LRRTM4: variants seen among roughly 807,000 people sequenced by gnomAD.
The protein encoded by LRRTM4 is leucine rich repeat transmembrane neuronal 4.
In LRRTM4, 25 loss-of-function variants were observed where a neutral mutation model predicts 47.6. The ratio of observed to expected loss-of-function variants is 0.53; its 90% CI spans 0.38 to 0.73. LRRTM4 has a LOEUF of 0.73. LRRTM4 is among the 30% of genes least tolerant of loss of function. The probability of loss-of-function intolerance (pLI) is 0.00; values close to 1 mark genes in which losing one functional copy is unlikely to be tolerated. For missense variants in LRRTM4, 638 were observed against 713.4 expected, an observed-to-expected ratio of 0.89 and a Z score of 1.20; for synonymous variants, 311 against 269.5, an observed-to-expected ratio of 1.15 and a Z score of -1.51.
At chr2:77,337,054 G>A (rs1671192994) in intron 3 of LRRTM4, among the ~76,000 whole-genome samples, 1 of 152,074 alleles carries the variant, frequency 6.6e-6, no homozygotes, top group South Asian at 2.1e-4. Flanking sequence ...ACAAAAATTA[G>A]TAGCATTTCC....
At chr2:77,475,971 T>A (rs1227979682) in intron 3 of LRRTM4, among the ~76,000 whole-genome samples, 2 of 152,044 alleles carry the variant, frequency 1.3e-5, no homozygotes, top group African/African-American at 2.4e-5. Context: ...AATAACTATA[T>A]TATTTCATTC....
chr2:77,087,977 C>A (rs1032292238), intron 3 of LRRTM4, among the ~76,000 whole-genome samples: 1 of 152,002 alleles, frequency 6.6e-6, no homozygotes, highest in Non-Finnish European at 1.5e-5. Context: ...TTGAGTGCAA[C>A]CCCAGAGATG....
At chr2:77,145,233 T>C (rs1479811230) in intron 3 of LRRTM4, among the ~76,000 whole-genome samples, 4 of 147,178 alleles carry the variant, frequency 2.7e-5, no homozygotes, top group Non-Finnish European at 6.0e-5. Flanking sequence ...GTATATCTCA[T>C]AGATATATAT....
intron 3 of LRRTM4, among the ~76,000 whole-genome samples, chr2:76,907,073 A>C (rs566956621): frequency 3.9e-5 from 6 of 152,104 alleles, no homozygotes; most frequent in East Asian, 2.0e-4. Context: ...CCTATTCCAA[A>C]ATTAACCACA....
At chr2:76,802,130 G>A (rs1675729214) in intron 3 of LRRTM4, among the ~76,000 whole-genome samples, 1 of 151,682 alleles carries the variant, frequency 6.6e-6, no homozygotes, top group Non-Finnish European at 1.5e-5. Context: ...CGAGCAATTA[G>A]GCAAGGGAAA....
At chr2:76,984,154 CAG>C (rs1483076623) in intron 3 of LRRTM4, among the ~76,000 whole-genome samples, 1 of 151,602 alleles carries the variant, frequency 6.6e-6, no homozygotes, top group Non-Finnish European at 1.5e-5. Context: ...ACACACAAAA[CAG>C]AAGAAAATCA....
chr2:77,025,324 T>G (rs1678417559), intron 3 of LRRTM4, among the ~76,000 whole-genome samples: 1 of 152,182 alleles, frequency 6.6e-6, no homozygotes, highest in Non-Finnish European at 1.5e-5. Flanking sequence ...TCACAATATC[T>G]GATCTTTCCT....
intron 3 of LRRTM4, among the ~76,000 whole-genome samples, chr2:77,172,853 C>G (rs1022402364): frequency 2.0e-5 from 3 of 152,134 alleles, no homozygotes; most frequent in African/African-American, 7.2e-5. Flanking sequence ...TAAAAACCCC[C>G]AAATATCCGT....
chr2:77,430,809 GGT>G (rs1675342634), intron 3 of LRRTM4, among the ~76,000 whole-genome samples: 1 of 148,456 alleles, frequency 6.7e-6, no homozygotes, highest in Non-Finnish European at 1.5e-5. Context: ...TATCTGTGAA[GGT>G]GTTTCCAGAA....
intron 3 of LRRTM4, among the ~76,000 whole-genome samples, chr2:77,426,805 GCA>G (rs72224838): frequency 0.31 from 45,842 of 147,106 alleles, 6,957 homozygotes; most frequent in Non-Finnish European, 0.33. Context: ...AGAGGTGTAT[GCA>G]CACACACACA....
chr2:77,488,654 C>A (rs1678019680), intron 3 of LRRTM4, among the ~76,000 whole-genome samples: 1 of 152,182 alleles, frequency 6.6e-6, no homozygotes, highest in Non-Finnish European at 1.5e-5. Flanking sequence ...ACAAGCTCTT[C>A]TTTTGTACAA....
At chr2:77,355,983 C>T (rs1339565905) in intron 3 of LRRTM4, among the ~76,000 whole-genome samples, 1 of 152,146 alleles carries the variant, frequency 6.6e-6, no homozygotes, top group Non-Finnish European at 1.5e-5. Flanking sequence ...GTCCCAGCTA[C>T]TTGGGAGACT....
chr2:77,000,406 A>G (rs984200154), intron 3 of LRRTM4, among the ~76,000 whole-genome samples: 4 of 152,144 alleles, frequency 2.6e-5, no homozygotes, highest in Non-Finnish European at 5.9e-5. Context: ...AGCTTGGGAG[A>G]GTGTATGCAA....
chr2:77,213,478 G>C (rs1319814047), intron 3 of LRRTM4, among the ~76,000 whole-genome samples: 1 of 151,996 alleles, frequency 6.6e-6, no homozygotes, highest in Non-Finnish European at 1.5e-5. Context: ...ACATAAATAT[G>C]TATATGTATA....
intron 3 of LRRTM4, among the ~76,000 whole-genome samples, chr2:77,497,679 G>T (rs905669366): frequency 8.0e-5 from 12 of 150,482 alleles, no homozygotes; most frequent in Non-Finnish European, 1.6e-4. Flanking sequence ...ATATGGATTT[G>T]TATATAATTA....
At chr2:77,105,873 A>C (rs6717955) in intron 3 of LRRTM4, among the ~76,000 whole-genome samples, 37,326 of 152,068 alleles carry the variant, frequency 0.25, 6,550 homozygotes, top group East Asian at 0.53. Flanking sequence ...TTACAAGATA[A>C]ATTATTTTTT....
intron 3 of LRRTM4, among the ~76,000 whole-genome samples, chr2:77,159,321 AT>A (rs1412463932): frequency 6.6e-6 from 1 of 152,090 alleles, no homozygotes; most frequent in Non-Finnish European, 1.5e-5. Context: ...TACATACTGC[AT>A]TTTTTCAACA....
intron 3 of LRRTM4, among the ~76,000 whole-genome samples, chr2:76,770,942 T>G (rs532281514): frequency 6.6e-6 from 1 of 152,200 alleles, no homozygotes; most frequent in African/African-American, 2.4e-5. Context: ...AAAAACAGAA[T>G]GCTACCACAT....
intron 3 of LRRTM4, among the ~76,000 whole-genome samples, chr2:77,447,407 G>T (rs984384007): frequency 3.3e-5 from 5 of 152,086 alleles, no homozygotes; most frequent in Non-Finnish European, 5.9e-5. Context: ...GCAGAAAACT[G>T]TATCCGGCTC....
Sources: allele counts gnomAD v4.1 joint callset (sites outside exome capture counted in the v4.1 genomes callset), GRCh38; gene constraint gnomAD v4.1.1; transcripts MANE v1.5; gene names NCBI Gene and HGNC (gene_info 2026-07-23, HGNC 2026-07-21).